Variants in SLCO6A1 observed in about 807,000 individuals in gnomAD.
SLCO6A1 encodes the protein solute carrier organic anion transporter family member 6A1, also known as cancer/testis antigen 48.
Under a neutral mutation model 72.7 loss-of-function variants are expected in SLCO6A1, and 65 were observed. The observed-to-expected ratio is 0.89, with a 90% CI of 0.73 to 1.10. The LOEUF is 1.10. Among genes scored for constraint, SLCO6A1 ranks in the 50% least tolerant of loss-of-function variants. The pLI is 0.00. For synonymous variants in SLCO6A1, 314 were observed against 298.2 expected (o/e 1.05, Z -0.55); for missense variants, 874 against 872.6 (o/e 1.00, Z -0.02).
chr5:102,442,342 T>C (rs1256278101), intron 6 of SLCO6A1, among the ~76,000 whole-genome samples: 1 of 152,210 alleles, frequency 6.6e-6, no homozygotes, highest in African/African-American at 2.4e-5. Context: ...CCTATGTTGT[T>C]TTGGAAAAAT....
At chr5:102,445,660 A>G (rs966073310) in intron 6 of SLCO6A1, among the ~76,000 whole-genome samples, 2 of 152,168 alleles carry the variant, frequency 1.3e-5, no homozygotes, top group African/African-American at 4.8e-5. Context: ...CAACATCCAG[A>G]ATGGTATTTC....
At chr5:102,482,993 C>G (rs192910727) in intron 1 of SLCO6A1, among the ~76,000 whole-genome samples, 1 of 152,160 alleles carries the variant, frequency 6.6e-6, no homozygotes, top group African/African-American at 2.4e-5. Flanking sequence ...AACAACCAGA[C>G]GAGCTCTGGT....
At chr5:102,455,027 T>TATATACATAA (rs144619414) in intron 6 of SLCO6A1, among the ~76,000 whole-genome samples, 5,223 of 141,750 alleles carry the variant, frequency 0.037, 120 homozygotes, top group Non-Finnish European at 0.051. Flanking sequence ...TATATATATA[T>TATATACATAA]AAATTATGTT....
chr5:102,460,936 A>ATG (rs1409298649), intron 4 of SLCO6A1, among the ~76,000 whole-genome samples: 7 of 13,946 alleles, frequency 5.0e-4, no homozygotes, highest in Non-Finnish European at 2.9e-4. Flanking sequence ...ATATATATAT[A>ATG]TATATATATA....
chr5:102,483,427 G>A (rs1561498807), intron 1 of SLCO6A1, among the ~76,000 whole-genome samples: 1 of 152,146 alleles, frequency 6.6e-6, no homozygotes, highest in African/African-American at 2.4e-5. Context: ...TCACCAAAAA[G>A]TGTGCCTCTT....
At chr5:102,478,507 C>T (rs181211068) in intron 2 of SLCO6A1, among the ~76,000 whole-genome samples, 1 of 152,266 alleles carries the variant, frequency 6.6e-6, no homozygotes, top group East Asian at 1.9e-4. Context: ...ACTTTTAGAA[C>T]ATATGTTCAT....
chr5:102,436,037 CT>C (rs1424758600), intron 7 of SLCO6A1, among the ~76,000 whole-genome samples: 1 of 152,196 alleles, frequency 6.6e-6, no homozygotes, highest in Non-Finnish European at 1.5e-5. Context: ...CTGTATTAGA[CT>C]TTGCCAAGAC....
At position 102,475,720 on chromosome 5, in the gene SLCO6A1, A is replaced by C. The variant is rs1751861888; in HGVS notation, c.876T>G (p.Pro292=). The stretch of plus-strand genomic sequence containing the variant: ...ACTTTGTTGCAGAAGTAGTATTCTC[A>C]GGGACTTTAACTAGTGGTGCTCCTA... ...YVLGAPLVKV[P]ENTTSATNTT... is the part of the protein sequence containing the mutation. The change falls in exon 4 of 14, where the codon CCT becomes CCG. Residue 292 remains proline (P), a synonymous_variant. Transcript: ENST00000506729. 6.2e-7 allele frequency: 1 copy of C among 1,604,396 alleles called. No individual in the cohort carries two copies. The highest frequency in any genetic ancestry group is 1.3e-5 in the African/African-American group (1 of 74,656).
intron 6 of SLCO6A1, among the ~76,000 whole-genome samples, chr5:102,456,580 C>T (rs1308077832): frequency 6.6e-6 from 1 of 152,132 alleles, no homozygotes; most frequent in East Asian, 1.9e-4. Context: ...GAACTACAAA[C>T]CACTGCTCAA....
chr5:102,374,934 T>C (rs73774677), intron 12 of SLCO6A1, among the ~76,000 whole-genome samples: 5,724 of 152,150 alleles, frequency 0.038, 138 homozygotes, highest in African/African-American at 0.07. Context: ...ATAGAGCTGA[T>C]GAAGAAATGA....
chr5:102,430,033 G>C (rs1437614204), intron 7 of SLCO6A1, among the ~76,000 whole-genome samples: 1 of 151,736 alleles, frequency 6.6e-6, no homozygotes, highest in Non-Finnish European at 1.5e-5. Flanking sequence ...CGGGTTAGCT[G>C]CATTCCTAGG....
At chr5:102,399,814 A>C (rs1747302863) in intron 9 of SLCO6A1, 72 bp from the exon 10 acceptor site, 2 of 1,148,234 alleles carry the variant, frequency 1.7e-6, no homozygotes, top group African/African-American at 3.1e-5. Context: ...TCATAAAATA[A>C]AAATTAAATC....
chr5:102,469,722 T>C (rs1328045992), intron 4 of SLCO6A1, among the ~76,000 whole-genome samples: 1 of 152,174 alleles, frequency 6.6e-6, no homozygotes, highest in Non-Finnish European at 1.5e-5. Flanking sequence ...AGAGAGGGCA[T>C]CCTTGTCTTG....
intron 12 of SLCO6A1, among the ~76,000 whole-genome samples, chr5:102,381,452 A>G (rs1248684211): frequency 6.6e-6 from 1 of 151,734 alleles, no homozygotes; most frequent in Non-Finnish European, 1.5e-5. Context: ...TATGTCTCTC[A>G]TATTTCCATT....
intron 6 of SLCO6A1, among the ~76,000 whole-genome samples, chr5:102,444,735 T>A (rs979529695): frequency 6.6e-6 from 1 of 152,178 alleles, no homozygotes; most frequent in African/African-American, 2.4e-5. Context: ...TAAATACAAG[T>A]GAGAACTATA....
chr5:102,405,350 G>A (rs1265123773), intron 9 of SLCO6A1, among the ~76,000 whole-genome samples: 1 of 150,734 alleles, frequency 6.6e-6, no homozygotes, highest in Non-Finnish European at 1.5e-5. Flanking sequence ...TTCCAAACAG[G>A]ATAAACTCAA....
intron 6 of SLCO6A1, among the ~76,000 whole-genome samples, chr5:102,448,323 G>A (rs192985659): frequency 9.2e-5 from 14 of 152,316 alleles, no homozygotes; most frequent in South Asian, 4.1e-4. Flanking sequence ...TGTGCCATGT[G>A]CAGATGAGAA....
At chr5:102,433,101 G>C (rs1275012014) in intron 7 of SLCO6A1, among the ~76,000 whole-genome samples, 1 of 152,084 alleles carries the variant, frequency 6.6e-6, no homozygotes, top group Non-Finnish European at 1.5e-5. Context: ...AATTCTCATA[G>C]TGTGTTTTTA....
At chr5:102,378,718 TACA>T (rs1745941774) in intron 12 of SLCO6A1, among the ~76,000 whole-genome samples, 5 of 152,182 alleles carry the variant, frequency 3.3e-5, no homozygotes, top group Non-Finnish European at 7.3e-5. Context: ...TTCATTGTTG[TACA>T]AAATGCCATT....
Sources: allele counts gnomAD v4.1 joint callset (sites outside exome capture counted in the v4.1 genomes callset), GRCh38; gene constraint gnomAD v4.1.1; transcripts MANE v1.5; gene names NCBI Gene and HGNC (gene_info 2026-07-23, HGNC 2026-07-21).